COLEC11: variants seen among roughly 807,000 people sequenced by gnomAD.
The protein encoded by COLEC11 is collectin subfamily member 11, also known as collectin-11.
A neutral mutation model predicts 27.3 loss-of-function variants in COLEC11; 20 were observed. The ratio of observed to expected loss-of-function variants is 0.73; its 90% confidence interval spans 0.51 to 1.06. The LOEUF (loss-of-function observed/expected upper bound fraction) is 1.06. COLEC11 is among the 50% of genes least tolerant of loss of function. The pLI, the probability that COLEC11 is intolerant of heterozygous loss-of-function variation, is 0.00. For missense variants in COLEC11, 310 were observed against 383.0 expected (o/e 0.81, Z 1.59); for synonymous variants, 163 against 154.7 (o/e 1.05, Z -0.40).
At chr2:3,642,619 G>A (rs1162361033) in intron 5 of COLEC11, among the ~76,000 whole-genome samples, 1 of 152,196 alleles carries the variant, frequency 6.6e-6, no homozygotes, top group African/African-American at 2.4e-5. Flanking sequence ...GCGGCCTCAC[G>A]TGTGCAGCTC....
intron 4 of COLEC11, among the ~76,000 whole-genome samples, chr2:3,639,335 T>C (rs1295561527): frequency 6.6e-6 from 1 of 152,254 alleles, no homozygotes; most frequent in East Asian, 1.9e-4. Flanking sequence ...CGGCATCTCC[T>C]AAGGGGCAGC....
Position 3,626,058 on chromosome 2 carries a change from G to A in COLEC11, c.203-11475G>A, listed in dbSNP as rs10170348. On this transcript the variant is annotated intron_variant, in intron 3 of 6. Transcript: ENST00000349077. ...CAGCTTCTGACATCTCCAAAAGGAA[G>A]TGCACCTCGTCCTTTGTAGAAATGG... The A allele has an allele frequency of 0.14, 224,771 of 1,613,134 alleles. 17,696 individuals carry two copies. Among genetic ancestry groups the A allele is most frequent in the East Asian group, 0.31 (13,895 of 44,858 alleles).
intron 1 of COLEC11, chr2:3,603,468 C>CA: frequency 1.6e-6 from 1 of 612,168 alleles, no homozygotes; most frequent in Non-Finnish European, 3.0e-6. Flanking sequence ...AGGTGCCCGC[C>CA]ACCACACCCA....
intron 1 of COLEC11, among the ~76,000 whole-genome samples, chr2:3,601,649 G>A (rs1662233282): frequency 6.6e-6 from 1 of 152,128 alleles, no homozygotes; most frequent in South Asian, 2.1e-4. Context: ...GATGAGAGAC[G>A]GCTTCAGCTT....
At chr2:3,643,376 G>A (rs1335242831) in intron 5 of COLEC11, 68 bp from the exon 6 acceptor site, 1 of 1,319,704 alleles carries the variant, frequency 7.6e-7, no homozygotes, top group Non-Finnish European at 1.1e-6. Context: ...CCGGGGAGGG[G>A]TCCTCGCCTC....
chr2:3,639,331 C>T (rs1665677419), intron 4 of COLEC11, among the ~76,000 whole-genome samples: 1 of 152,234 alleles, frequency 6.6e-6, no homozygotes, highest in Non-Finnish European at 1.5e-5. Context: ...ATTCCGGCAT[C>T]TCCTAAGGGG....
At chr2:3,629,945 A>C (rs1386022138) in intron 3 of COLEC11, among the ~76,000 whole-genome samples, 1 of 152,220 alleles carries the variant, frequency 6.6e-6, no homozygotes, top group Non-Finnish European at 1.5e-5. Flanking sequence ...CATATATACG[A>C]TGTGCAGTTA....
At chr2:3,631,307 T>G (rs1360770842) in intron 3 of COLEC11, among the ~76,000 whole-genome samples, 2 of 152,232 alleles carry the variant, frequency 1.3e-5, no homozygotes, top group Non-Finnish European at 2.9e-5. Context: ...CAAAGCAGAC[T>G]GGCCGAGAGC....
chr2:3,635,395 T>C (rs2147948665), intron 3 of COLEC11, among the ~76,000 whole-genome samples: 1 of 152,260 alleles, frequency 6.6e-6, no homozygotes. Context: ...CTTTCAGTCT[T>C]TCCAGCAAGT....
intron 2 of COLEC11, chr2:3,606,090 T>G (rs1662669255): frequency 6.4e-7 from 1 of 1,550,394 alleles, no homozygotes; most frequent in African/African-American, 1.4e-5. Context: ...CCTGACTTTG[T>G]GGTAGCGTGT....
At chr2:3,603,244 C>G (rs1662369815) in intron 1 of COLEC11, among the ~76,000 whole-genome samples, 1 of 152,226 alleles carries the variant, frequency 6.6e-6, no homozygotes, top group African/African-American at 2.4e-5. Context: ...CCCTTTCCCT[C>G]TGTTTCCCGG....
intron 3 of COLEC11, among the ~76,000 whole-genome samples, chr2:3,621,444 G>A (rs548075008): frequency 5.3e-5 from 8 of 152,140 alleles, no homozygotes; most frequent in Non-Finnish European, 1.2e-4. Flanking sequence ...TCTTTTGTAG[G>A]CAGTGTATAT....
intron 5 of COLEC11, 137 bp downstream of exon 5, chr2:3,640,468 C>T (rs757171433): frequency 1.5e-4 from 94 of 637,868 alleles, no homozygotes; most frequent in Non-Finnish European, 2.6e-4. Flanking sequence ...CACCCACCCC[C>T]GTCACATCCC....
At chr2:3,614,794 T>C (rs1238049956) in intron 3 of COLEC11, among the ~76,000 whole-genome samples, 2 of 152,202 alleles carry the variant, frequency 1.3e-5, no homozygotes, top group East Asian at 1.9e-4. Context: ...AAAAAAAGTT[T>C]CATACCAAGA....
chr2:3,611,989 A>C (rs72769317), intron 2 of COLEC11, among the ~76,000 whole-genome samples: 8,386 of 145,718 alleles, frequency 0.058, 354 homozygotes, highest in African/African-American at 0.13. Flanking sequence ...TGCTCTCTCT[A>C]TATATAGGGT....
At chr2:3,596,290 A>G (rs962616179) in intron 1 of COLEC11, among the ~76,000 whole-genome samples, 10 of 151,210 alleles carry the variant, frequency 6.6e-5, no homozygotes, top group Non-Finnish European at 1.5e-4. Flanking sequence ...AAAGTAGAAT[A>G]GCATGTTTGG....
At chr2:3,612,745 C>T (rs1188201049) in intron 2 of COLEC11, among the ~76,000 whole-genome samples, 1 of 152,110 alleles carries the variant, frequency 6.6e-6, no homozygotes, top group East Asian at 1.9e-4. Flanking sequence ...CCCTCTGTCT[C>T]CTGCACCTGC....
rs574380549 is a variant in COLEC11, at chr2:3,604,562, C to G, written c.130+92C>G. 9 of 1,428,832 alleles carry G rather than the reference C, an allele frequency of 6.3e-6. No homozygotes were observed. In the East Asian group the frequency reaches 1.6e-4, roughly 25 times the overall value. The allele number at this position is 1,428,832 out of a possible 1,614,324, so 88.5% of individuals were successfully genotyped here. A position where few individuals can be genotyped will look rare whatever the true frequency, so the allele number is the denominator to read the frequency against. On this transcript the variant is annotated intron_variant, in intron 2 of 6. Transcript: ENST00000349077. ...AACTGCGCAGTTCCACGGAAAAGCA[C>G]AAAGCCCCAGCAAATCTGCTTACCC...
intron 3 of COLEC11, among the ~76,000 whole-genome samples, chr2:3,635,510 C>T (rs999960748): frequency 1.3e-5 from 2 of 152,210 alleles, no homozygotes; most frequent in African/African-American, 4.8e-5. Flanking sequence ...CCGATGCTTT[C>T]CTGGGCTCTG....
Sources: gnomAD v4.1 joint callset for allele counts (sites outside exome capture counted in the v4.1 genomes callset) on GRCh38, gnomAD v4.1.1 for gene constraint, MANE v1.5 for transcripts, NCBI Gene and HGNC (gene_info 2026-07-23, HGNC 2026-07-21) for gene names.